Variants in ZNF563 observed in about 807,000 individuals in gnomAD.
The protein encoded by ZNF563 is zinc finger protein 563.
Under a neutral mutation model 48.5 loss-of-function variants are expected in ZNF563, and 39 were observed. The observed-to-expected ratio is 0.80, with a 90% CI of 0.62 to 1.05. ZNF563 has a LOEUF of 1.05. ZNF563 is among the 50% of genes least tolerant of loss of function. ZNF563 has a pLI of 0.00. For missense variants in ZNF563, 538 were observed against 597.0 expected, an observed-to-expected ratio of 0.90 and a Z score of 1.03; for synonymous variants, 168 against 187.9, an observed-to-expected ratio of 0.89 and a Z score of 0.87.
At chr19:12,333,392 G>A (rs2145821817) in intron 1 of ZNF563, 88 bp downstream of exon 1, 9 of 1,543,510 alleles carry the variant, frequency 5.8e-6, no homozygotes, top group African/African-American at 2.7e-5. Context: ...AGCTGACGGC[G>A]GGGGAGGCCC....
intron 1 of ZNF563, among the ~76,000 whole-genome samples, chr19:12,327,225 G>T (rs1968816223): frequency 1.3e-5 from 2 of 152,174 alleles, no homozygotes; most frequent in South Asian, 4.1e-4. Flanking sequence ...ACTTTGGGAA[G>T]CTGAGGCAGG....
intron 2 of ZNF563, among the ~76,000 whole-genome samples, chr19:12,322,103 T>C (rs1381431994): frequency 6.6e-6 from 1 of 152,174 alleles, no homozygotes; most frequent in African/African-American, 2.4e-5. Flanking sequence ...TCACCCAGGT[T>C]GGAGTGCAGT....
chr19:12,338,094 A>G (rs1172723066), upstream of ZNF563, among the ~76,000 whole-genome samples: 1 of 152,132 alleles, frequency 6.6e-6, no homozygotes, highest in African/African-American at 2.4e-5. Flanking sequence ...AGAGTGAGAC[A>G]CTGTCTAAAA....
chr19:12,324,224 G>A (rs1968710671), intron 1 of ZNF563, among the ~76,000 whole-genome samples: 2 of 152,052 alleles, frequency 1.3e-5, no homozygotes, highest in Non-Finnish European at 2.9e-5. Context: ...AGCCGGGCAT[G>A]GTGGTGTGCC....
chr19:12,320,688 A>C (rs1258244454), intron 3 of ZNF563, among the ~76,000 whole-genome samples: 1 of 151,970 alleles, frequency 6.6e-6, no homozygotes, highest in Non-Finnish European at 1.5e-5. Context: ...TTGTAGAGAC[A>C]GGGTTTCACT....
At chr19:12,342,147 G>A in the ZNF563 span, among the ~76,000 whole-genome samples, 2 of 151,950 alleles carry the variant, frequency 1.3e-5, no homozygotes, top group Non-Finnish European at 2.9e-5. Context: ...AAGTATTTGG[G>A]ACCACAGGCT....
At position 12,333,519 on chromosome 19, in the gene ZNF563, G is replaced by A. The variant is rs764385861; in HGVS notation, c.-37C>T. 80 of 1,612,518 alleles carry A rather than the reference G, an allele frequency of 5.0e-5. No homozygotes were observed. The highest frequency in any genetic ancestry group is 6.6e-5 in the Non-Finnish European group (78 of 1,179,290). ...CGGGATGTTCCAGGGTCCTCCCTCT[G>A]CCTCCCGCTGCCAGTGCGGGTCCCA... On this transcript the variant is annotated 5_prime_UTR_variant, in exon 1 of 4. Coordinates refer to ENST00000293725, the MANE Select transcript of ZNF563 (RefSeq NM_145276.3).
intron 1 of ZNF563, 103 bp downstream of exon 1, chr19:12,333,377 C>A: frequency 6.6e-7 from 1 of 1,509,500 alleles, no homozygotes; most frequent in Non-Finnish European, 9.0e-7. Flanking sequence ...GGTCCCAGAC[C>A]CCGGAGCTGA....
chr19:12,331,269 G>A (rs1032900579), intron 1 of ZNF563, among the ~76,000 whole-genome samples: 4 of 152,116 alleles, frequency 2.6e-5, no homozygotes, highest in African/African-American at 9.7e-5. Flanking sequence ...CTGGAACACA[G>A]ACAAGTCTCA....
At chr19:12,335,468 A>T (rs1969008789), upstream of ZNF563, among the ~76,000 whole-genome samples, 3 of 152,228 alleles carry the variant, frequency 2.0e-5, no homozygotes, top group South Asian at 6.2e-4. Context: ...CCTGGGCCAC[A>T]TTGGAAGAAG....
chr19:12,330,430 C>T (rs9676962), intron 1 of ZNF563, among the ~76,000 whole-genome samples: 28,129 of 152,030 alleles, frequency 0.19, 2,701 homozygotes, highest in East Asian at 0.25. Context: ...GTTTAAGGCA[C>T]GTAGTTTATG....
In ZNF563 at chr19:12,319,728, T is replaced by C. The variant is rs776903494; in HGVS notation, c.297A>G (p.Gly99=). The change falls in exon 4 of 4, where the codon GGA becomes GGG. Residue 99 remains glycine (G), a synonymous_variant. Coordinates refer to ENST00000293725, the MANE Select transcript of ZNF563 (RefSeq NM_145276.3). ...DSIVNNSICP[G]EDPCQSAECE... ...ACTCAGCGCTTTGACATGGATCTTC[T>C]CCAGGACAAATGCTGTTGTTCACAA... 5 of 1,614,192 alleles carry C rather than the reference T, an allele frequency of 3.1e-6. No homozygotes were observed. The highest frequency in any genetic ancestry group is 2.2e-5 in the South Asian group (2 of 91,084).
chr19:12,342,348 T>TA, the ZNF563 span, among the ~76,000 whole-genome samples: 1 of 151,246 alleles, frequency 6.6e-6, no homozygotes, highest in East Asian at 1.9e-4. Flanking sequence ...TACAGTGAAA[T>TA]AAAACTATAA....
the ZNF563 span, among the ~76,000 whole-genome samples, chr19:12,343,818 C>T: frequency 6.7e-6 from 1 of 148,838 alleles, no homozygotes; most frequent in East Asian, 2.0e-4. Context: ...GTAAGCTCTG[C>T]CTCCCGGGTT....
the ZNF563 span, among the ~76,000 whole-genome samples, chr19:12,343,091 A>G: frequency 8.0e-3 from 1,137 of 142,078 alleles, 73 homozygotes; most frequent in Non-Finnish European, 0.012. Flanking sequence ...CAGCTACTTG[A>G]GAGGCTGAGG....
At chr19:12,336,278 C>G (rs755727399), upstream of ZNF563, among the ~76,000 whole-genome samples, 18 of 151,554 alleles carry the variant, frequency 1.2e-4, no homozygotes, top group Non-Finnish European at 1.9e-4. Context: ...CTGGGCAACA[C>G]GGGGAGATCT....
chr19:12,324,080 A>G (rs1471672130), intron 1 of ZNF563, among the ~76,000 whole-genome samples: 1 of 152,196 alleles, frequency 6.6e-6, no homozygotes. Context: ...ACTACCAGCT[A>G]GGTACCATGG....
At chr19:12,344,995 CA>C in the ZNF563 span, among the ~76,000 whole-genome samples, 7,399 of 151,968 alleles carry the variant, frequency 0.049, 592 homozygotes, top group African/African-American at 0.17. Flanking sequence ...ATAAAAGCAT[CA>C]AAAAAAGTAA....
chr19:12,344,136 T>C, the ZNF563 span, among the ~76,000 whole-genome samples: 612 of 151,560 alleles, frequency 4.0e-3, 3 homozygotes, highest in Non-Finnish European at 5.9e-3. Flanking sequence ...CTCATGCCTG[T>C]AATCCCAGCA....
Sources: allele counts gnomAD v4.1 joint callset (sites outside exome capture counted in the v4.1 genomes callset), GRCh38; gene constraint gnomAD v4.1.1; transcripts MANE v1.5; gene names NCBI Gene and HGNC (gene_info 2026-07-23, HGNC 2026-07-21).